Variants in R3HDM2 observed in about 807,000 individuals in gnomAD.
R3HDM2 encodes R3H domain containing 2, also known as R3H domain-containing protein 2.
A neutral mutation model predicts 124.5 loss-of-function variants in R3HDM2; 38 were observed. The observed-to-expected ratio is 0.31, with a 90% CI of 0.24 to 0.40. The LOEUF is 0.40. R3HDM2 is among the 10% of genes least tolerant of loss of function. The pLI is 1.00. For missense variants in R3HDM2, 869 were observed against 1,236.9 expected (o/e 0.70, Z 4.46); for synonymous variants, 391 against 448.0 (o/e 0.87, Z 1.61).
chr12:57,426,713 T>G (rs1011067051), intron 1 of R3HDM2, among the ~76,000 whole-genome samples: 1 of 152,192 alleles, frequency 6.6e-6, no homozygotes, highest in Non-Finnish European at 1.5e-5. Context: ...TCCTCTTCTC[T>G]GCCCTCAGAG....
intron 14 of R3HDM2, among the ~76,000 whole-genome samples, chr12:57,274,185 G>A (rs962967268): frequency 6.6e-6 from 1 of 151,976 alleles, no homozygotes; most frequent in Admixed American, 6.6e-5. Flanking sequence ...GGACAGTAAA[G>A]TGGTTAAAAA....
At chr12:57,344,623 CAGAGGATATAA>C (rs1257702606) in intron 2 of R3HDM2, among the ~76,000 whole-genome samples, 1 of 151,992 alleles carries the variant, frequency 6.6e-6, no homozygotes, top group Non-Finnish European at 1.5e-5. Flanking sequence ...AGCAAAGAAA[CAGAGGATATAA>C]AGAAGAATCA....
chr12:57,254,721 C>G lies in R3HDM2; in HGVS notation c.*52G>C. The stretch of plus-strand genomic sequence containing the variant: ...CATGGTCTGTCAGGATCCTTCAACC[C>G]CCTCCACCCTGCCCTTGCTCCTTCT... On this transcript the variant is annotated 3_prime_UTR_variant, in exon 24 of 24. Coordinates refer to ENST00000402412, the MANE Select transcript of R3HDM2 (RefSeq NM_001394031.1). 1 of 1,416,382 alleles carries G rather than the reference C, an allele frequency of 7.1e-7. No individual in the cohort carries two copies. The allele number at this position is 1,416,382 out of a possible 1,614,324, so 87.7% of individuals were successfully genotyped here.
intron 17 of R3HDM2, 110 bp from the exon 18 acceptor site, chr12:57,268,567 A>G: frequency 8.8e-7 from 1 of 1,139,832 alleles, no homozygotes; most frequent in Non-Finnish European, 1.3e-6. Flanking sequence ...TCCCTACCTT[A>G]GATCCTCCTC....
At chr12:57,344,701 G>A (rs538340861) in intron 2 of R3HDM2, among the ~76,000 whole-genome samples, 2 of 152,298 alleles carry the variant, frequency 1.3e-5, no homozygotes, top group East Asian at 3.9e-4. Context: ...CTCACTTGAT[G>A]AGTTCAACAG....
rs1171169327 is a variant in R3HDM2 at position 57,422,956 on chromosome 12, G to A, written c.-106+7764C>T. Among the ~76,000 whole-genome samples the A allele has an allele frequency of 2.0e-5, 3 of 152,004 alleles. No individual in the cohort carries two copies. The East Asian group carries it at 5.8e-4, about 29-fold the overall frequency. On this transcript the variant is annotated intron_variant, in intron 1 of 23. Coordinates refer to ENST00000402412, the MANE Select transcript of R3HDM2 (RefSeq NM_001394031.1). ...TACTCCAGCCTGGACAACAGAGCAA[G>A]ACCCTGTGTCAAAATAAAAAATAAA...
At chr12:57,310,050 A>C (rs1004935731) in intron 3 of R3HDM2, among the ~76,000 whole-genome samples, 4 of 152,108 alleles carry the variant, frequency 2.6e-5, no homozygotes, top group Non-Finnish European at 5.9e-5. Context: ...TCTACAAAAA[A>C]ATTTTTTTAT....
At chr12:57,397,677 C>T (rs1210316355) in intron 1 of R3HDM2, among the ~76,000 whole-genome samples, 1 of 152,138 alleles carries the variant, frequency 6.6e-6, no homozygotes, top group Non-Finnish European at 1.5e-5. Context: ...CATGTAATAC[C>T]TTGTTCCCCC....
At chr12:57,293,653 G>T (rs1339006973) in intron 10 of R3HDM2, among the ~76,000 whole-genome samples, 1 of 152,038 alleles carries the variant, frequency 6.6e-6, no homozygotes, top group Non-Finnish European at 1.5e-5. Context: ...GAGTTCTAAG[G>T]GAGAAAACTC....
At chr12:57,268,771 G>A in intron 17 of R3HDM2, 151 bp downstream of exon 17, 1 of 971,208 alleles carries the variant, frequency 1.0e-6, no homozygotes, top group Middle Eastern at 3.3e-4. Flanking sequence ...AACTCCATGG[G>A]CTTTCCGTTA....
chr12:57,348,693 C>CAAAAA lies in R3HDM2; in HGVS notation c.-35-38235_-35-38231dup, dbSNP rs1168127324. Among the ~76,000 whole-genome samples the CAAAAA allele has an allele frequency of 3.5e-3, 87 of 25,098 alleles. 1 individual carries two copies. The highest frequency in any genetic ancestry group is 4.1e-3 in the African/African-American group (25 of 6,072). The allele number at this position is 25,098 out of a possible 152,430, so 16.5% of individuals were successfully genotyped here. A position where few individuals can be genotyped will look rare whatever the true frequency, so the allele number is the denominator to read the frequency against. Reference sequence around the variant, plus strand: ...TGGGCGACAGAGCGAGACTCCGTCTCAAAAAAAAAAAAAAAAAAAAAAAAA... The same window carrying CAAAAA: ...TGGGCGACAGAGCGAGACTCCGTCTCAAAAAAAAAAAAAAAAAAAAAAAAAAAAAA... On this transcript the variant is annotated intron_variant, in intron 2 of 23. Coordinates refer to ENST00000402412, the MANE Select transcript of R3HDM2 (RefSeq NM_001394031.1).
At chr12:57,301,324 A>G (rs2051103573) in intron 4 of R3HDM2, among the ~76,000 whole-genome samples, 1 of 152,194 alleles carries the variant, frequency 6.6e-6, no homozygotes. Context: ...AAATCTACCT[A>G]TAAACATTTA....
At chr12:57,419,295 C>T (rs1196321613) in intron 1 of R3HDM2, among the ~76,000 whole-genome samples, 1 of 152,030 alleles carries the variant, frequency 6.6e-6, no homozygotes, top group Non-Finnish European at 1.5e-5. Context: ...AGGCAAGTGC[C>T]ACCATGCCTG....
At chr12:57,422,573 G>A (rs2070319572) in intron 1 of R3HDM2, among the ~76,000 whole-genome samples, 1 of 152,158 alleles carries the variant, frequency 6.6e-6, no homozygotes, top group African/African-American at 2.4e-5. Flanking sequence ...ATCATAAAGA[G>A]TTTTTGTAGG....
intron 1 of R3HDM2, among the ~76,000 whole-genome samples, chr12:57,421,161 CT>C (rs58868663): frequency 0.42 from 50,313 of 119,094 alleles, 10,676 homozygotes; most frequent in Middle Eastern, 0.78. Flanking sequence ...CTAACAGATT[CT>C]TTTTTTTTTT....
chr12:57,375,609 G>A (rs1468607264), intron 2 of R3HDM2, among the ~76,000 whole-genome samples: 1 of 151,528 alleles, frequency 6.6e-6, no homozygotes. Flanking sequence ...TATTTTCAAA[G>A]GAGAAACAGG....
chr12:57,313,896 A>C (rs1486524177), intron 2 of R3HDM2, among the ~76,000 whole-genome samples: 3 of 150,408 alleles, frequency 2.0e-5, no homozygotes, highest in African/African-American at 7.3e-5. Flanking sequence ...AAAAAAAAAA[A>C]AAAAAAAAAA....
In R3HDM2 at chr12:57,338,831, G is replaced by A. The variant is rs953153618; in HGVS notation, c.-35-28368C>T. On this transcript the variant is annotated intron_variant, in intron 2 of 23. Coordinates refer to ENST00000402412, the MANE Select transcript of R3HDM2 (RefSeq NM_001394031.1). ...TTTTTTTTTTTCAAAGGGAGAGAGA[G>A]AGAGAGAGATAGGGTCTCATTCTGC... 1.3e-4 allele frequency among the ~76,000 whole-genome samples: 19 copies of A among 151,716 alleles called. 1 individual carries two copies. Among genetic ancestry groups the A allele is most frequent in the African/African-American group, 4.4e-4 (18 of 41,374 alleles).
At chr12:57,297,688 G>A (rs373352622) in intron 7 of R3HDM2, 98 of 349,220 alleles carry the variant, frequency 2.8e-4, no homozygotes, top group Non-Finnish European at 4.3e-4. Context: ...AAATCTAATC[G>A]TCATTCTGTA....
Sources: gnomAD v4.1 joint callset for allele counts (sites outside exome capture counted in the v4.1 genomes callset) on GRCh38, gnomAD v4.1.1 for gene constraint, MANE v1.5 for transcripts, NCBI Gene and HGNC (gene_info 2026-07-23, HGNC 2026-07-21) for gene names.